DYNC1I1: variants seen among roughly 807,000 people sequenced by gnomAD.
DYNC1I1 encodes the protein dynein cytoplasmic 1 intermediate chain 1, also known as cytoplasmic dynein 1 intermediate chain 1.
A neutral mutation model predicts 86.6 loss-of-function variants in DYNC1I1; 43 were observed. That is an observed-to-expected ratio of 0.50 (90% CI 0.39 to 0.64). The LOEUF (loss-of-function observed/expected upper bound fraction) is 0.64, where lower values mean the gene tolerates loss of function less well. Among genes scored for constraint, DYNC1I1 ranks in the 30% least tolerant of loss-of-function variants. DYNC1I1 has a pLI of 0.00. For missense variants in DYNC1I1, 604 were observed against 788.8 expected (o/e 0.77, Z 2.81); for synonymous variants, 262 against 283.7 (o/e 0.92, Z 0.77).
At chr7:95,897,597 T>G (rs1790918403) in intron 6 of DYNC1I1, among the ~76,000 whole-genome samples, 1 of 152,196 alleles carries the variant, frequency 6.6e-6, no homozygotes. Context: ...TGGTCCTCCC[T>G]GAGTGTTGAT....
chr7:95,867,967 A>C (rs1243654715), intron 5 of DYNC1I1, among the ~76,000 whole-genome samples: 1 of 152,200 alleles, frequency 6.6e-6, no homozygotes, highest in African/African-American at 2.4e-5. Context: ...GAGGTTTTAA[A>C]ATAATACCTT....
chr7:95,871,666 A>G (rs528554130), intron 6 of DYNC1I1, among the ~76,000 whole-genome samples: 4 of 152,330 alleles, frequency 2.6e-5, no homozygotes, highest in South Asian at 2.1e-4. Flanking sequence ...TTACAAGGGA[A>G]GATAAATTAA....
intron 11 of DYNC1I1, among the ~76,000 whole-genome samples, chr7:96,028,929 A>G (rs1232188076): frequency 6.6e-6 from 1 of 152,182 alleles, no homozygotes; most frequent in African/African-American, 2.4e-5. Flanking sequence ...TAAAAGAATG[A>G]CAGGTGTGTA....
chr7:95,998,197 T>C (rs977812831), intron 10 of DYNC1I1, among the ~76,000 whole-genome samples: 6 of 152,378 alleles, frequency 3.9e-5, no homozygotes, highest in African/African-American at 1.4e-4. Context: ...TTTTATACTT[T>C]AGAGGTTACC....
At chr7:96,061,791 T>A (rs1789786927) in intron 14 of DYNC1I1, among the ~76,000 whole-genome samples, 1 of 151,560 alleles carries the variant, frequency 6.6e-6, no homozygotes, top group African/African-American at 2.4e-5. Context: ...CTTTGGAATT[T>A]AAAATCTCAG....
chr7:96,107,152 G>A (rs912772942), intron 16 of DYNC1I1, among the ~76,000 whole-genome samples: 4 of 151,496 alleles, frequency 2.6e-5, no homozygotes, highest in East Asian at 1.9e-4. Context: ...TCAGCCTCCC[G>A]AGAAGCTGAG....
At chr7:95,899,036 A>AT (rs977095803) in intron 6 of DYNC1I1, among the ~76,000 whole-genome samples, 1 of 151,956 alleles carries the variant, frequency 6.6e-6, no homozygotes, top group Non-Finnish European at 1.5e-5. Flanking sequence ...AGGCTTTTTG[A>AT]TTTTTTTTCC....
At chr7:96,067,840 A>ACCT (rs935108860) in intron 14 of DYNC1I1, among the ~76,000 whole-genome samples, 53 of 151,844 alleles carry the variant, frequency 3.5e-4, no homozygotes, top group African/African-American at 1.3e-3. Context: ...GCCTTCCCCA[A>ACCT]CCTCCTCCTC....
intron 6 of DYNC1I1, among the ~76,000 whole-genome samples, chr7:95,910,641 G>T (rs1240378980): frequency 1.3e-5 from 2 of 152,206 alleles, no homozygotes; most frequent in Admixed American, 6.5e-5. Context: ...GGCTTTGGCT[G>T]CCTTGTCAAG....
intron 1 of DYNC1I1, among the ~76,000 whole-genome samples, chr7:95,776,789 G>C (rs867139549): frequency 5.3e-5 from 8 of 152,334 alleles, no homozygotes; most frequent in Middle Eastern, 3.4e-3. Flanking sequence ...AGGCGTGGCA[G>C]GCAGTCCTAG....
chr7:96,013,819 CAGAG>C lies in DYNC1I1; in HGVS notation c.970-14352_970-14349del, dbSNP rs958391066. ...ACTGGCTGAGGCACAAAGAACAACA[CAGAG>C]AGAAGAGAAGCCCATCTCCTGCCCT... On this transcript the variant is annotated intron_variant, in intron 10 of 16. Transcript: ENST00000447467. 1.7e-4 allele frequency among the ~76,000 whole-genome samples: 26 copies of C among 152,170 alleles called. 1 individual carries two copies. Among genetic ancestry groups the C allele is most frequent in the Non-Finnish European group, 2.9e-5 (2 of 68,030 alleles).
At chr7:95,958,463 A>C (rs1199103795) in intron 6 of DYNC1I1, among the ~76,000 whole-genome samples, 1 of 152,128 alleles carries the variant, frequency 6.6e-6, no homozygotes, top group African/African-American at 2.4e-5. Context: ...CGGAAAGCTA[A>C]AGAAGAAGGA....
At chr7:96,080,233 C>T in intron 15 of DYNC1I1, 130 bp from the exon 16 acceptor site, 1 of 1,172,158 alleles carries the variant, frequency 8.5e-7, no homozygotes, top group Non-Finnish European at 1.1e-6. Context: ...CCCCCCGGCA[C>T]AAGGGATGTG....
intron 6 of DYNC1I1, among the ~76,000 whole-genome samples, chr7:95,920,930 T>C (rs1791593835): frequency 6.6e-6 from 1 of 152,200 alleles, no homozygotes. Context: ...TTGTCATGAC[T>C]ATCCTTGGAG....
At position 96,097,907 on chromosome 7, in the gene DYNC1I1, G is replaced by T; in HGVS notation, c.*314G>T. ...TAGCTGGAAACCTCTGGTTAAATTT[G>T]TGCTTACATGCACTCCTGGCATAGT... On this transcript the variant is annotated 3_prime_UTR_variant, in exon 17 of 17. Coordinates refer to ENST00000447467, the MANE Select transcript of DYNC1I1 (RefSeq NM_001135556.2). 3 of 1,075,326 alleles carry T rather than the reference G, an allele frequency of 2.8e-6. No individual in the cohort carries two copies. Among genetic ancestry groups the T allele is most frequent in the Non-Finnish European group, 3.4e-6 (3 of 883,516 alleles). The allele number at this position is 1,075,326 out of a possible 1,614,324, so 66.6% of individuals were successfully genotyped here.
At chr7:96,028,417 A>G (rs1794733657) in intron 11 of DYNC1I1, 96 bp downstream of exon 11, 2 of 1,450,600 alleles carry the variant, frequency 1.4e-6, no homozygotes, top group Admixed American at 4.4e-5. Flanking sequence ...AGTAATGCCA[A>G]GTTAGGAGGA....
At chr7:95,963,289 A>G (rs1792921789) in intron 6 of DYNC1I1, among the ~76,000 whole-genome samples, 1 of 152,092 alleles carries the variant, frequency 6.6e-6, no homozygotes, top group African/African-American at 2.4e-5. Flanking sequence ...CTCTCTTCTG[A>G]TGTAGATATT....
At chr7:95,824,121 G>A (rs1795150693) in intron 4 of DYNC1I1, among the ~76,000 whole-genome samples, 1 of 150,086 alleles carries the variant, frequency 6.7e-6, no homozygotes, top group East Asian at 2.0e-4. Context: ...CTCCTGAGTA[G>A]CTGCGACCAC....
intron 6 of DYNC1I1, among the ~76,000 whole-genome samples, chr7:95,907,813 C>G (rs539203194): frequency 6.8e-6 from 1 of 147,414 alleles, no homozygotes; most frequent in South Asian, 2.2e-4. Context: ...TATATATATT[C>G]AACATTCAAT....
Sources: allele counts gnomAD v4.1 joint callset (sites outside exome capture counted in the v4.1 genomes callset), GRCh38; gene constraint gnomAD v4.1.1; transcripts MANE v1.5; gene names NCBI Gene and HGNC (gene_info 2026-07-23, HGNC 2026-07-21).